Variants in IRS1 observed in about 807,000 individuals in gnomAD.
IRS1 encodes the protein insulin receptor substrate 1.
A neutral mutation model predicts 65.6 loss-of-function variants in IRS1; 34 were observed. That is an observed-to-expected ratio of 0.52 (90% confidence interval 0.39 to 0.69). IRS1 has a LOEUF of 0.69. IRS1 is among the 30% of genes least tolerant of loss of function. The probability of loss-of-function intolerance (pLI) is 0.00; values close to 1 mark genes in which losing one functional copy is unlikely to be tolerated. For missense variants in IRS1, 1,641 were observed against 1,720.2 expected, an observed-to-expected ratio of 0.95 and a Z score of 0.81; for synonymous variants, 699 against 683.5, an observed-to-expected ratio of 1.02 and a Z score of -0.35.
At chr2:226,793,249 T>C (rs759280920) in intron 1 of IRS1, among the ~76,000 whole-genome samples, 1 of 152,226 alleles carries the variant, frequency 6.6e-6, no homozygotes, top group South Asian at 2.1e-4. Flanking sequence ...GAAAAACTTA[T>C]TCTCTTTATC....
At chr2:226,785,296 G>A (rs780033875) in intron 1 of IRS1, among the ~76,000 whole-genome samples, 1 of 152,146 alleles carries the variant, frequency 6.6e-6, no homozygotes, top group Non-Finnish European at 1.5e-5. Flanking sequence ...AATTGGTGGT[G>A]TTTAAAAACT....
At chr2:226,787,445 C>T (rs752699189) in intron 1 of IRS1, among the ~76,000 whole-genome samples, 1 of 152,136 alleles carries the variant, frequency 6.6e-6, no homozygotes, top group Non-Finnish European at 1.5e-5. Context: ...TCCCGGATAA[C>T]TTATGTCATA....
At chr2:226,749,814 C>G (rs58466042) in intron 1 of IRS1, among the ~76,000 whole-genome samples, 1 of 152,166 alleles carries the variant, frequency 6.6e-6, no homozygotes, top group Non-Finnish European at 1.5e-5. Context: ...CTGCCCTATT[C>G]TCATTTCTAC....
intron 1 of IRS1, among the ~76,000 whole-genome samples, chr2:226,740,300 G>A (rs145823673): frequency 6.6e-6 from 1 of 152,088 alleles, no homozygotes. Flanking sequence ...GTATATTCTT[G>A]TAAGATAAAA....
rs770543365 is a variant in IRS1 at position 226,797,944 on chromosome 2, G to A, written c.795C>T (p.Arg265=). Residue 265 remains arginine (R), a synonymous_variant, in exon 1 of 2, where the codon CGC becomes CGT. Coordinates refer to ENST00000305123, the MANE Select transcript of IRS1 (RefSeq NM_005544.3). This position sits in a 1 kb window ranked among gnomAD's most constrained non-coding sequence, Gnocchi z 8.1. ...EAMRAMSDEF[R]PRSKSQSSSN... is the part of the protein sequence containing the mutation. ...ACGAGGACTGGCTCTTGCTGCGAGG[G>A]CGGAACTCATCACTCATGGCCCGCA... 1.2e-6 allele frequency: 2 copies of A among 1,613,978 alleles called. No individual in the cohort carries two copies. Among genetic ancestry groups the A allele is most frequent in the Non-Finnish European group, 1.7e-6 (2 of 1,180,030 alleles).
chr2:226,769,634 A>G (rs1213536137), intron 1 of IRS1, among the ~76,000 whole-genome samples: 2 of 152,254 alleles, frequency 1.3e-5, no homozygotes, highest in Non-Finnish European at 2.9e-5. Flanking sequence ...TCAACCCATC[A>G]TTATAACCTC....
intron 1 of IRS1, among the ~76,000 whole-genome samples, chr2:226,773,172 T>G (rs1440609211): frequency 6.6e-6 from 1 of 152,234 alleles, no homozygotes; most frequent in East Asian, 1.9e-4. Flanking sequence ...CAGATATATA[T>G]TCCTGTTTTT....
intron 1 of IRS1, among the ~76,000 whole-genome samples, chr2:226,749,887 GC>G (rs1938638843): frequency 6.6e-6 from 1 of 152,144 alleles, no homozygotes; most frequent in South Asian, 2.1e-4. Context: ...TATGGACAGA[GC>G]CATCAAAAAG....
chr2:226,737,076 G>A (rs1938339456), intron 1 of IRS1, among the ~76,000 whole-genome samples: 1 of 147,254 alleles, frequency 6.8e-6, no homozygotes, highest in South Asian at 2.3e-4. Flanking sequence ...ATATCTCCCA[G>A]TGTTATCCCT....
Position 226,798,724 on chromosome 2 carries a change from C to T in IRS1, c.15G>A (p.Pro5=), listed in dbSNP as rs202166366. The part of the protein sequence containing the change: MASP[P]ESDGFSDVRK... ...GCACGTCCGAGAAGCCATCGCTCTC[C>T]GGAGGGCTCGCCATGCTGCCACCGC... Residue 5 remains proline (P), a synonymous_variant, in exon 1 of 2, where the codon CCG becomes CCA. Coordinates refer to ENST00000305123, the MANE Select transcript of IRS1 (RefSeq NM_005544.3). The surrounding 1 kb of genome is among the most constrained non-coding windows in gnomAD (Gnocchi z 9.4). The T allele has an allele frequency of 3.7e-6, 6 of 1,611,818 alleles. No homozygotes were observed. In the African/African-American group the frequency reaches 6.7e-5, roughly 18 times the overall value.
intron 1 of IRS1, among the ~76,000 whole-genome samples, chr2:226,758,680 G>A (rs1483362314): frequency 6.6e-6 from 1 of 151,970 alleles, no homozygotes; most frequent in Non-Finnish European, 1.5e-5. Context: ...ATCTCTATGT[G>A]CCTCAAGTAT....
chr2:226,731,542 T>C lies in IRS1; in HGVS notation c.*4730A>G, dbSNP rs1409337433. Reference sequence around the variant, plus strand: ...GTGAAACACTTCTAAATAAAAAATATATACCTGGCCTGGCACCCATTACAT... The same window carrying C: ...GTGAAACACTTCTAAATAAAAAATACATACCTGGCCTGGCACCCATTACAT... On this transcript the variant is annotated 3_prime_UTR_variant, in exon 2 of 2. Transcript: ENST00000305123. The C allele has an allele frequency of 6.6e-6, 1 of 152,106 alleles. No individual in the cohort carries two copies. Among genetic ancestry groups the C allele is most frequent in the Non-Finnish European group, 1.5e-5 (1 of 68,040 alleles). The allele number at this position is 152,106 out of a possible 1,614,324, so 9.4% of individuals were successfully genotyped here.
At position 226,797,422 on chromosome 2, in the gene IRS1, C is replaced by G; in HGVS notation, c.1317G>C (p.Arg439=). The G allele has an allele frequency of 6.2e-7, 1 of 1,612,828 alleles. No homozygotes were observed. The change falls in exon 1 of 2, where the codon CGG becomes CGC. Residue 439 remains arginine, a synonymous_variant. Coordinates refer to ENST00000305123, the MANE Select transcript of IRS1 (RefSeq NM_005544.3). This position sits in a 1 kb window ranked among gnomAD's most constrained non-coding sequence, Gnocchi z 8.1. ...DEYGSSPCDF[R]SSFRSVTPDS... Reference sequence around the variant, plus strand: ...CCGGAGTGACACTGCGGAAGGAACTCCGGAAATCGCAGGGACTGGAGCCAT... The same window carrying G: ...CCGGAGTGACACTGCGGAAGGAACTGCGGAAATCGCAGGGACTGGAGCCAT...
intron 1 of IRS1, among the ~76,000 whole-genome samples, chr2:226,741,888 G>A (rs1480280312): frequency 1.3e-5 from 2 of 150,504 alleles, no homozygotes; most frequent in African/African-American, 4.9e-5. Context: ...GTAATAGATG[G>A]GTGTTGTTCA....
At chr2:226,782,004 T>C (rs1939392473) in intron 1 of IRS1, among the ~76,000 whole-genome samples, 2 of 152,134 alleles carry the variant, frequency 1.3e-5, no homozygotes, top group East Asian at 1.9e-4. Flanking sequence ...TTATTACCTA[T>C]TCTTTTAAAA....
Position 226,797,785 on chromosome 2 carries a change from G to A in IRS1, c.954C>T (p.Gly318=), listed in dbSNP as rs1273251443. ...GGACACGGAAGGAGCCTGGCTTCCC[G>A]CCCACCATGCTGGCCGGGGAGGTGG... is the stretch of plus-strand genomic sequence containing the variant. ...ITATSPASMV[G]GKPGSFRVRA... The change falls in exon 1 of 2, where the codon GGC becomes GGT. Residue 318 remains glycine (G), a synonymous_variant. Coordinates refer to ENST00000305123, the MANE Select transcript of IRS1 (RefSeq NM_005544.3). The surrounding 1 kb of genome is among the most constrained non-coding windows in gnomAD (Gnocchi z 8.1). 2 of 1,595,508 alleles carry A rather than the reference G, an allele frequency of 1.3e-6. No homozygotes were observed. The highest frequency in any genetic ancestry group is 2.2e-5 in the East Asian group (1 of 44,660).
At chr2:226,775,162 A>G (rs976296023) in intron 1 of IRS1, among the ~76,000 whole-genome samples, 1 of 152,236 alleles carries the variant, frequency 6.6e-6, no homozygotes, top group Non-Finnish European at 1.5e-5. Context: ...TAAATGTGTT[A>G]TAAATTCATG....
At position 226,799,688 on chromosome 2, in the gene IRS1, T is replaced by G. The variant is rs1217582245; in HGVS notation, c.-950A>C. ...CTCCTCCTCCTCCTCCTCGGAGAGT[T>G]GCCGAGAGCCCCAACCAAAACAAGC... On this transcript the variant is annotated 5_prime_UTR_variant, in exon 1 of 2. Transcript: ENST00000305123. The surrounding 1 kb of genome is among the most constrained non-coding windows in gnomAD (Gnocchi z 6.1). The G allele has an allele frequency of 7.0e-6, 7 of 1,000,190 alleles. No homozygotes were observed. The highest frequency in any genetic ancestry group is 8.4e-6 in the Non-Finnish European group (7 of 830,310). The allele number at this position is 1,000,190 out of a possible 1,614,324, so 62.0% of individuals were successfully genotyped here. A position where few individuals can be genotyped will look rare whatever the true frequency, so the allele number is the denominator to read the frequency against.
intron 1 of IRS1, among the ~76,000 whole-genome samples, chr2:226,781,907 C>T (rs78802645): frequency 0.049 from 7,328 of 150,602 alleles, 326 homozygotes; most frequent in East Asian, 0.17. Context: ...CACACACACA[C>T]GTTTGGGCAA....
Sources: allele counts gnomAD v4.1 joint callset (sites outside exome capture counted in the v4.1 genomes callset), GRCh38; gene constraint gnomAD v4.1.1; non-coding constraint Gnocchi (gnomAD v3.1); transcripts MANE v1.5; gene names NCBI Gene and HGNC (gene_info 2026-07-23, HGNC 2026-07-21).